The following LRFN5 variants were observed in gnomAD, a reference collection of about 807,000 sequenced individuals.
LRFN5 encodes the protein leucine-rich repeat and fibronectin type-III domain-containing protein 5.
Under a neutral mutation model 45.6 loss-of-function variants are expected in LRFN5, and 24 were observed. The observed-to-expected ratio is 0.53, with a 90% CI of 0.38 to 0.74. The LOEUF is 0.74. Ranked by LOEUF, LRFN5 falls within the 30% of genes least tolerant of loss-of-function variation. The probability of loss-of-function intolerance (pLI) is 0.00; values close to 1 mark genes in which losing one functional copy is unlikely to be tolerated. For missense variants in LRFN5, 776 were observed against 861.5 expected (o/e 0.90, Z 1.24); for synonymous variants, 340 against 313.8 (o/e 1.08, Z -0.88).
intron 2 of LRFN5, among the ~76,000 whole-genome samples, chr14:41,777,350 A>G (rs184877316): frequency 6.7e-4 from 102 of 151,872 alleles, no homozygotes; most frequent in African/African-American, 2.4e-3. Context: ...GTCCTATACT[A>G]CATTTTTATA....
chr14:41,690,258 T>G (rs75685772), intron 1 of LRFN5, among the ~76,000 whole-genome samples: 3,134 of 151,908 alleles, frequency 0.021, 96 homozygotes, highest in African/African-American at 0.069. Flanking sequence ...AATAAAGAAA[T>G]AAACATTTTG....
intron 1 of LRFN5, among the ~76,000 whole-genome samples, chr14:41,671,482 C>T (rs1004196797): frequency 6.6e-6 from 1 of 152,028 alleles, no homozygotes; most frequent in African/African-American, 2.4e-5. Flanking sequence ...CTTTGCAGTA[C>T]CACTTTGAAC....
chr14:41,722,993 TGG>T (rs1883788728), intron 1 of LRFN5, among the ~76,000 whole-genome samples: 1 of 152,188 alleles, frequency 6.6e-6, no homozygotes, highest in Non-Finnish European at 1.5e-5. Flanking sequence ...GGCTTGAAGC[TGG>T]GAAACCTCCT....
At chr14:41,741,716 G>A (rs1405849492) in intron 1 of LRFN5, among the ~76,000 whole-genome samples, 3 of 151,342 alleles carry the variant, frequency 2.0e-5, no homozygotes, top group Non-Finnish European at 4.4e-5. Context: ...TAACTAAAAA[G>A]CTTTGATGCA....
At position 41,891,815 on chromosome 14, in the gene LRFN5, C is replaced by G. The variant is rs1356875292; in HGVS notation, c.1951C>G (p.Pro651Ala). ...QKQKRKTGTK[P>A]STEPQNEAVT... ...GCAGAAAAGAAAGACTGGCACAAAG[C>G]CAAGTACAGAACCACAGAATGAAGC... Residue 651 changes from proline to alanine, a missense_variant, in exon 4 of 6, where the codon CCA becomes GCA. Pro to Ala is a conservative substitution (Grantham distance 27). Coordinates refer to ENST00000298119, the MANE Select transcript of LRFN5 (RefSeq NM_152447.5). 1 of 1,614,026 alleles carries G rather than the reference C, an allele frequency of 6.2e-7. No homozygotes were observed. Among genetic ancestry groups the G allele is most frequent in the Non-Finnish European group, 8.5e-7 (1 of 1,180,028 alleles).
intron 2 of LRFN5, among the ~76,000 whole-genome samples, chr14:41,810,859 A>G (rs550814108): frequency 1.3e-5 from 2 of 152,190 alleles, no homozygotes; most frequent in South Asian, 4.1e-4. Context: ...GTATGCAGCT[A>G]TTAGAAAAGC....
chr14:41,671,678 A>C (rs974622685), intron 1 of LRFN5, among the ~76,000 whole-genome samples: 2 of 124,840 alleles, frequency 1.6e-5, no homozygotes, highest in Non-Finnish European at 3.1e-5. Context: ...GTGCAATGGC[A>C]CTATCTAGGC....
rs751000292 is a variant in LRFN5, at chr14:41,891,479, G to A, written c.1615G>A (p.Ala539Thr). The A allele has an allele frequency of 1.9e-6, 3 of 1,614,154 alleles. No homozygotes were observed. Among genetic ancestry groups the A allele is most frequent in the Non-Finnish European group, 1.7e-6 (2 of 1,180,028 alleles). The part of the protein sequence containing the change: ...MIIIIGGIIV[A>T]SVLVFIIILM... The stretch of plus-strand genomic sequence containing the variant: ...TATTATTATTGGTGGAATCATTGTA[G>A]CATCTGTGCTGGTATTCATCATTAT... The change falls in exon 4 of 6, where the codon GCA (alanine) becomes ACA (threonine). Residue 539 changes from alanine to threonine, a missense_variant. By Grantham distance (58) the Ala-to-Thr change is moderately conservative. This residue lies in a region of LRFN5 where 465 missense variants were observed against 456.4 expected (regional missense o/e 1.02). Transcript: ENST00000298119.
At chr14:41,633,805 C>T (rs187691043) in intron 1 of LRFN5, among the ~76,000 whole-genome samples, 2 of 152,064 alleles carry the variant, frequency 1.3e-5, no homozygotes, top group African/African-American at 2.4e-5. Context: ...ATTATGTGCA[C>T]ACCTAAAATA....
chr14:41,856,801 C>A (rs1349409610), intron 2 of LRFN5, among the ~76,000 whole-genome samples: 1 of 145,332 alleles, frequency 6.9e-6, no homozygotes, highest in Non-Finnish European at 1.5e-5. Context: ...CTCAGCCTCC[C>A]GAGTAGCTGG....
At chr14:41,671,616 C>CTTTTTTTTTTTTTT (rs1566613142) in intron 1 of LRFN5, among the ~76,000 whole-genome samples, 3 of 37,220 alleles carry the variant, frequency 8.1e-5, no homozygotes, top group Admixed American at 2.5e-4. Flanking sequence ...TTTTTTTTTT[C>CTTTTTTTTTTTTTT]GTTTTTTTTT....
intron 1 of LRFN5, among the ~76,000 whole-genome samples, chr14:41,650,266 C>CACACACACACACACACACAAA (rs1247683262): frequency 7.4e-6 from 1 of 135,456 alleles, no homozygotes; most frequent in African/African-American, 2.8e-5. Context: ...CACACACACA[C>CACACACACACACACACACAAA]AAAAAAAAAA....
intron 1 of LRFN5, among the ~76,000 whole-genome samples, chr14:41,686,785 C>A (rs1203664814): frequency 6.6e-6 from 1 of 152,074 alleles, no homozygotes; most frequent in Non-Finnish European, 1.5e-5. Context: ...TATGTTGAAG[C>A]AGTCTTGCAT....
intron 1 of LRFN5, among the ~76,000 whole-genome samples, chr14:41,717,623 C>T (rs1326057779): frequency 6.6e-6 from 1 of 152,164 alleles, no homozygotes; most frequent in East Asian, 1.9e-4. Context: ...TTGTTTTAAA[C>T]CAGCTAAAGT....
chr14:41,825,916 A>C (rs553879649), intron 2 of LRFN5, among the ~76,000 whole-genome samples: 11 of 152,266 alleles, frequency 7.2e-5, no homozygotes, highest in Admixed American at 5.9e-4. Context: ...CAATAACTCC[A>C]CCTACCTTTT....
intron 2 of LRFN5, among the ~76,000 whole-genome samples, chr14:41,874,664 A>G (rs906090514): frequency 2.6e-5 from 4 of 152,180 alleles, no homozygotes; most frequent in Admixed American, 1.3e-4. Context: ...TGGGGAATGT[A>G]CCTTTCACAA....
chr14:41,739,733 T>C (rs1204791082), intron 1 of LRFN5, among the ~76,000 whole-genome samples: 1 of 147,188 alleles, frequency 6.8e-6, no homozygotes, highest in Non-Finnish European at 1.5e-5. Flanking sequence ...ATAAGCAAAA[T>C]AGAGACTAGA....
chr14:41,753,368 T>A (rs1292511092), intron 1 of LRFN5, among the ~76,000 whole-genome samples: 1 of 152,214 alleles, frequency 6.6e-6, no homozygotes, highest in Non-Finnish European at 1.5e-5. Context: ...GTATGGCCAT[T>A]TTCACAATAT....
chr14:41,767,557 C>T (rs1024509948), intron 2 of LRFN5, among the ~76,000 whole-genome samples: 11 of 151,954 alleles, frequency 7.2e-5, no homozygotes, highest in African/African-American at 9.7e-5. Flanking sequence ...TTGAATGATA[C>T]GTTATCTGGG....
Sources: gnomAD v4.1 joint callset for allele counts (sites outside exome capture counted in the v4.1 genomes callset) on GRCh38, gnomAD v4.1.1 for gene constraint, gnomAD v4.1.1 regional missense constraint, MANE v1.5 for transcripts, NCBI Gene and HGNC (gene_info 2026-07-23, HGNC 2026-07-21) for gene names.